The following NODAL variants were observed in gnomAD, a reference collection of about 807,000 sequenced individuals.
NODAL encodes nodal homolog.
In NODAL, 12 loss-of-function variants were observed where a neutral mutation model predicts 34.0. That is an observed-to-expected ratio of 0.35 (90% confidence interval 0.23 to 0.57). NODAL has a LOEUF of 0.57. Among genes scored for constraint, NODAL ranks in the 20% least tolerant of loss-of-function variants. NODAL has a pLI of 0.83. For missense variants in NODAL, 390 were observed against 444.2 expected (o/e 0.88, Z 1.10); for synonymous variants, 162 against 186.4 (o/e 0.87, Z 1.07).
In NODAL at chr10:70,441,592, T is replaced by A. The variant is rs765059366; in HGVS notation, c.76A>T (p.Thr26Ser). Residue 26 changes from threonine (T) to serine (S), a missense_variant, in exon 1 of 3, where the codon ACT becomes TCT. Coordinates refer to ENST00000287139, the MANE Select transcript of NODAL (RefSeq NM_018055.5). ...LLQAGAATVA[T>S]ALLRTRGQPS... ...TGCCCCCGCGTACGCAGGAGCGCAG[T>A]GGCCACCGTCGCAGCACCCGCCTGG... 8.3e-6 allele frequency: 13 copies of A among 1,560,790 alleles called. No individual in the cohort carries two copies. Among genetic ancestry groups the A allele is most frequent in the Admixed American group, 7.7e-5 (4 of 51,938 alleles).
At chr10:70,437,152 T>TA (rs1312070934) in intron 1 of NODAL, among the ~76,000 whole-genome samples, 1 of 152,182 alleles carries the variant, frequency 6.6e-6, no homozygotes, top group African/African-American at 2.4e-5. Context: ...TCAGGTGACT[T>TA]AATAGTGATG....
At chr10:70,446,786 C>T (rs1036863642) in intron 1 of NODAL, among the ~76,000 whole-genome samples, 4 of 152,134 alleles carry the variant, frequency 2.6e-5, no homozygotes, top group African/African-American at 9.7e-5. Context: ...AAAGCATAAG[C>T]TTTGTGAGGG....
At position 70,433,143 on chromosome 10, in the gene NODAL, A is replaced by G. The variant is rs1444900064; in HGVS notation, c.892-55T>C. 6 of 1,599,834 alleles carry G rather than the reference A, an allele frequency of 3.8e-6. No individual in the cohort carries two copies. In the African/African-American group the frequency reaches 5.4e-5, roughly 14 times the overall value. On this transcript the variant is annotated intron_variant, in intron 2 of 2. Transcript: ENST00000287139. The stretch of plus-strand genomic sequence containing the variant: ...CACATCCTGATGGGCAGGTCAGAAT[A>G]GTATTTCTGGGTAAAGAGTAAAAAA...
At chr10:70,433,410 G>C (rs939914369) in intron 2 of NODAL, among the ~76,000 whole-genome samples, 10 of 151,696 alleles carry the variant, frequency 6.6e-5, no homozygotes, top group African/African-American at 2.4e-4. Flanking sequence ...AGTCTAAAGG[G>C]AATACCATTT....
upstream of NODAL, among the ~76,000 whole-genome samples, chr10:70,442,199 CT>C (rs1299325138): frequency 2.0e-5 from 3 of 152,236 alleles, no homozygotes; most frequent in African/African-American, 4.8e-5. Context: ...GGGAGCACCC[CT>C]GGCCCTACCA....
At position 70,432,739 on chromosome 10, in the gene NODAL, C is replaced by G. The variant is rs1398511579; in HGVS notation, c.*197G>C. On this transcript the variant is annotated 3_prime_UTR_variant, in exon 3 of 3. Coordinates refer to ENST00000287139, the MANE Select transcript of NODAL (RefSeq NM_018055.5). ...CAGGCTTCTTCCTCCCTCTTCCTGA[C>G]AGCAGCCTCTGTGCTTGGCCAGACT... is the stretch of plus-strand genomic sequence containing the variant. 1.6e-6 allele frequency: 1 copy of G among 640,696 alleles called. No individual in the cohort carries two copies. Among genetic ancestry groups the G allele is most frequent in the Non-Finnish European group, 2.8e-6 (1 of 357,808 alleles). The allele number at this position is 640,696 out of a possible 1,614,324, so 39.7% of individuals were successfully genotyped here.
At chr10:70,438,522 T>C (rs1845385195) in intron 1 of NODAL, among the ~76,000 whole-genome samples, 1 of 152,206 alleles carries the variant, frequency 6.6e-6, no homozygotes, top group South Asian at 2.1e-4. Context: ...AGATAATTCA[T>C]GTAATGTGCC....
In NODAL at chr10:70,441,573, C is replaced by A. The variant is rs768615876; in HGVS notation, c.95G>T (p.Arg32Leu). The stretch of plus-strand genomic sequence containing the variant: ...AGGGGATGGCGACGAGGGCTGCCCC[C>A]GCGTACGCAGGAGCGCAGTGGCCAC... ...ATVATALLRT[R>L]GQPSSPSPLA... The change falls in exon 1 of 3, where the codon CGG (arginine) becomes CTG (leucine). Residue 32 changes from arginine (R) to leucine (L), a missense_variant. Transcript: ENST00000287139. 7.6e-6 allele frequency: 12 copies of A among 1,572,482 alleles called. No individual in the cohort carries two copies. The highest frequency in any genetic ancestry group is 1.7e-4 in the Middle Eastern group (1 of 5,878).
chr10:70,437,982 C>T (rs543810703), intron 1 of NODAL, among the ~76,000 whole-genome samples: 4 of 152,194 alleles, frequency 2.6e-5, no homozygotes, highest in South Asian at 2.1e-4. Context: ...AGGATTCGGG[C>T]GGTGAGTTTA....
At position 70,433,071 on chromosome 10, in the gene NODAL, G is replaced by A. The variant is rs759176326; in HGVS notation, c.909C>T (p.Tyr303=). The A allele has an allele frequency of 6.2e-7, 1 of 1,614,056 alleles. No homozygotes were observed. The highest frequency in any genetic ancestry group is 8.5e-7 in the Non-Finnish European group (1 of 1,180,042). ...HAYIQSLLKR[Y]QPHRVPSTCC... is the part of the protein sequence containing the mutation. ...AAGTGGAAGGGACTCGGTGGGGCTG[G>A]TAACGTTTCAGCAGACTCTGTAAAG... Residue 303 remains tyrosine (Y), a synonymous_variant, in exon 3 of 3, where the codon TAC becomes TAT. Coordinates refer to ENST00000287139, the MANE Select transcript of NODAL (RefSeq NM_018055.5).
In NODAL at chr10:70,435,627, G is replaced by A. The variant is rs752979542; in HGVS notation, c.550C>T (p.Pro184Ser). 1.3e-5 allele frequency: 21 copies of A among 1,613,838 alleles called. No individual in the cohort carries two copies. The highest frequency in any genetic ancestry group is 1.7e-5 in the Non-Finnish European group (20 of 1,179,948). ...SRVAGECWPRPPTPPATNVLL... is the reference protein window; with the variant it reads ...SRVAGECWPRSPTPPATNVLL... ...ACATTGGTGGCAGGCGGTGTGGGGG[G>A]CCGCGGCCAGCACTCTCCAGCTACC... is the stretch of plus-strand genomic sequence containing the variant. Residue 184 changes from proline (P) to serine (S), a missense_variant, in exon 2 of 3, where the codon CCC becomes TCC. Coordinates refer to ENST00000287139, the MANE Select transcript of NODAL (RefSeq NM_018055.5).
upstream of NODAL, chr10:70,441,794 G>T (rs939117762): frequency 9.9e-6 from 10 of 1,005,580 alleles, no homozygotes; most frequent in East Asian, 2.1e-4. Flanking sequence ...TCCGGAGGGT[G>T]GGGGGCAGAG....
At chr10:70,439,933 G>T (rs1380264920) in intron 1 of NODAL, among the ~76,000 whole-genome samples, 1 of 152,194 alleles carries the variant, frequency 6.6e-6, no homozygotes, top group Non-Finnish European at 1.5e-5. Context: ...ATAGCTGGGC[G>T]CAGTGGCGCG....
chr10:70,440,531 C>T (rs1845414111), intron 1 of NODAL, among the ~76,000 whole-genome samples: 1 of 152,106 alleles, frequency 6.6e-6, no homozygotes, highest in African/African-American at 2.4e-5. Flanking sequence ...GCGCCCCGGC[C>T]CCAGGGAGGG....
chr10:70,435,324 C>A lies in NODAL; in HGVS notation c.853G>T (p.Gly285Trp). The A allele has an allele frequency of 6.2e-7, 1 of 1,613,646 alleles. No individual in the cohort carries two copies. The highest frequency in any genetic ancestry group is 8.5e-7 in the Non-Finnish European group (1 of 1,179,796). Residue 285 changes from glycine (G) to tryptophan (W), a missense_variant, in exon 2 of 3, where the codon GGG becomes TGG. By Grantham distance (184) the Gly-to-Trp change is radical. Coordinates refer to ENST00000287139, the MANE Select transcript of NODAL (RefSeq NM_018055.5). ...TGGTTGGTCGGATGAAACTCCTCCC[C>A]AACAGGATTAGGACACTCGCCCTCA... ...RCEGECPNPV[G>W]EEFHPTNHAY...
upstream of NODAL, among the ~76,000 whole-genome samples, chr10:70,443,419 T>C (rs1028876306): frequency 6.6e-6 from 1 of 152,120 alleles, no homozygotes; most frequent in African/African-American, 2.4e-5. Flanking sequence ...CCAGGTGTGG[T>C]GGTTCATGCC....
At chr10:70,433,238 G>A (rs758499898) in intron 2 of NODAL, 150 bp from the exon 3 acceptor site, 53 of 851,884 alleles carry the variant, frequency 6.2e-5, no homozygotes, top group Non-Finnish European at 9.8e-5. Context: ...GAATTAGCTT[G>A]CCAATATATC....
intron 1 of NODAL, among the ~76,000 whole-genome samples, chr10:70,440,221 T>C (rs1371068486): frequency 6.6e-6 from 1 of 152,202 alleles, no homozygotes; most frequent in Non-Finnish European, 1.5e-5. Flanking sequence ...AGTTTCCAGA[T>C]GCCTGTCCAT....
chr10:70,433,131 G>A, intron 2 of NODAL, 43 bp from the exon 3 acceptor site: 3 of 1,609,422 alleles, frequency 1.9e-6, no homozygotes, highest in Non-Finnish European at 2.5e-6. Flanking sequence ...ATCCTGATGG[G>A]CAGGTCAGAA....
Sources: allele counts gnomAD v4.1 joint callset (sites outside exome capture counted in the v4.1 genomes callset), GRCh38; gene constraint gnomAD v4.1.1; transcripts MANE v1.5; gene names NCBI Gene and HGNC (gene_info 2026-07-23, HGNC 2026-07-21).